VCL: variants seen among roughly 807,000 people sequenced by gnomAD.
VCL encodes vinculin.
In VCL, 47 loss-of-function variants were observed where a neutral mutation model predicts 125.7. That is an observed-to-expected ratio of 0.37 (90% CI 0.30 to 0.48). The LOEUF is 0.48. Among genes scored for constraint, VCL ranks in the 20% least tolerant of loss-of-function variants. VCL has a pLI of 0.99. For synonymous variants in VCL, 458 were observed against 514.6 expected (o/e 0.89, Z 1.49); for missense variants, 1,069 against 1,455.5 (o/e 0.73, Z 4.32).
intron 7 of VCL, 22 bp from the exon 8 acceptor site, chr10:74,083,344 A>G (rs2136280837): frequency 6.2e-7 from 1 of 1,613,262 alleles, no homozygotes; most frequent in African/African-American, 1.3e-5. Context: ...CAATGTAGTT[A>G]TTGAATATCT....
chr10:74,116,618 G>A (rs562463353), intron 21 of VCL, among the ~76,000 whole-genome samples: 4 of 151,450 alleles, frequency 2.6e-5, no homozygotes, highest in African/African-American at 4.8e-5. Context: ...CCTGGGAGGC[G>A]GAAATTGCAG....
chr10:74,009,759 G>A (rs1168155664), intron 1 of VCL, among the ~76,000 whole-genome samples: 9 of 151,508 alleles, frequency 5.9e-5, no homozygotes, highest in African/African-American at 1.7e-4. Context: ...ACAGGCATGC[G>A]TCACCACACC....
intron 1 of VCL, among the ~76,000 whole-genome samples, chr10:74,017,480 T>G (rs1441221105): frequency 2.0e-5 from 3 of 152,274 alleles, no homozygotes; most frequent in African/African-American, 7.2e-5. Context: ...TTTCATCATA[T>G]GTTTAATATC....
rs1192377948 is a variant in VCL at position 74,040,811 on chromosome 10, C to T, written c.169-2272C>T. On this transcript the variant is annotated intron_variant, in intron 1 of 21. Coordinates refer to ENST00000211998, the MANE Select transcript of VCL (RefSeq NM_014000.3). ...TCATAATTTATGCATGACTTATATT[C>T]CCTGAGAATAGTTTATTGTGTTATT... Among the ~76,000 whole-genome samples, 13 of 152,256 alleles carry T rather than the reference C, an allele frequency of 8.5e-5. No homozygotes were observed. In the South Asian group the frequency reaches 1.7e-3, roughly 19 times the overall value.
intron 2 of VCL, among the ~76,000 whole-genome samples, chr10:74,056,392 T>A (rs1841390979): frequency 6.6e-6 from 1 of 152,054 alleles, no homozygotes; most frequent in Non-Finnish European, 1.5e-5. Flanking sequence ...ATCCTTGTGG[T>A]TTTATTTTTA....
intron 1 of VCL, among the ~76,000 whole-genome samples, chr10:74,007,777 T>A (rs1167608435): frequency 1.3e-5 from 2 of 152,156 alleles, no homozygotes; most frequent in Non-Finnish European, 2.9e-5. Context: ...ATTACAGGCA[T>A]GAGCCGCTGC....
At chr10:74,007,220 C>A (rs1840336519) in intron 1 of VCL, among the ~76,000 whole-genome samples, 1 of 152,164 alleles carries the variant, frequency 6.6e-6, no homozygotes, top group Admixed American at 6.6e-5. Context: ...CTCAAGTGAT[C>A]CACCTGCCTT....
Position 74,074,756 on chromosome 10 carries a change from T to C in VCL, c.636T>C (p.Phe212=), listed in dbSNP as rs767648679. 21 of 1,613,132 alleles carry C rather than the reference T, an allele frequency of 1.3e-5. No individual in the cohort carries two copies. Among genetic ancestry groups the C allele is most frequent in the Non-Finnish European group, 1.7e-5 (20 of 1,179,832 alleles). The part of the protein sequence containing the change: ...LPVLISAMKI[F]VTTKNSKNQG... ...TTATTTTTACAGCTATGAAGATTTTTGTAACAACTAAAAACTCAAAAAACC... is the reference window on the plus strand; with the variant it reads ...TTATTTTTACAGCTATGAAGATTTTCGTAACAACTAAAAACTCAAAAAACC... Residue 212 remains phenylalanine (F), a synonymous_variant, in exon 6 of 22, where the codon TTT becomes TTC. Coordinates refer to ENST00000211998, the MANE Select transcript of VCL (RefSeq NM_014000.3).
rs151233801 is a variant in VCL at position 74,038,194 on chromosome 10, G to A, written c.169-4889G>A. Among the ~76,000 whole-genome samples, 191 of 151,926 alleles carry A rather than the reference G, an allele frequency of 1.3e-3. 1 individual carries two copies. In the East Asian group the frequency reaches 0.032, roughly 25 times the overall value. ...GTATTTTTAGTAGAGACGGGGTTTC[G>A]CCATGTTGGCCAGGGTGGTCTCGAA... is the stretch of plus-strand genomic sequence containing the variant. On this transcript the variant is annotated intron_variant, in intron 1 of 21. Transcript: ENST00000211998.
chr10:74,049,448 A>G (rs374738341), intron 2 of VCL, among the ~76,000 whole-genome samples: 6 of 152,342 alleles, frequency 3.9e-5, no homozygotes, highest in Admixed American at 6.5e-5. Context: ...TTAAAGAGCT[A>G]TAATACAGAC....
At chr10:74,027,992 G>C (rs1840806096) in intron 1 of VCL, 1 of 152,200 alleles carries the variant, frequency 6.6e-6, no homozygotes, top group African/African-American at 2.4e-5. Flanking sequence ...AGATCATCCA[G>C]TGATGTTTTC....
intron 10 of VCL, among the ~76,000 whole-genome samples, chr10:74,093,462 G>A (rs1050769157): frequency 1.3e-5 from 2 of 152,152 alleles, no homozygotes; most frequent in Middle Eastern, 3.4e-3. Flanking sequence ...TACATCATAG[G>A]GTTGTTGTAA....
At chr10:74,115,668 T>A (rs1840301236) in intron 21 of VCL, among the ~76,000 whole-genome samples, 1 of 152,208 alleles carries the variant, frequency 6.6e-6, no homozygotes, top group South Asian at 2.1e-4. Context: ...TGTTAGTGCC[T>A]CAGGGAGGAT....
intron 8 of VCL, among the ~76,000 whole-genome samples, chr10:74,086,228 T>A (rs896972836): frequency 6.6e-6 from 1 of 152,210 alleles, no homozygotes; most frequent in African/African-American, 2.4e-5. Flanking sequence ...ACTTCTATCA[T>A]CTGATGAAAA....
chr10:74,074,607 T>A, intron 5 of VCL, 136 bp from the exon 6 acceptor site: 1 of 952,522 alleles, frequency 1.0e-6, no homozygotes, highest in Non-Finnish European at 1.6e-6. Flanking sequence ...ATTGTCAAAC[T>A]TGTAGTGTTT....
chr10:74,010,723 G>A (rs189630729), intron 1 of VCL, among the ~76,000 whole-genome samples: 39 of 152,130 alleles, frequency 2.6e-4, no homozygotes, highest in African/African-American at 8.7e-4. Flanking sequence ...AGCAAGGTGA[G>A]GAAACCCACT....
At chr10:74,044,225 A>G (rs1360573482) in intron 2 of VCL, among the ~76,000 whole-genome samples, 1 of 152,188 alleles carries the variant, frequency 6.6e-6, no homozygotes, top group Non-Finnish European at 1.5e-5. Flanking sequence ...TATTCTGCAT[A>G]AAACAAGCAG....
intron 1 of VCL, among the ~76,000 whole-genome samples, chr10:74,037,278 A>G (rs773344114): frequency 2.0e-4 from 30 of 152,268 alleles, no homozygotes; most frequent in Middle Eastern, 3.4e-3. Context: ...TTCTGTTTTG[A>G]TGGTGACAGG....
chr10:74,039,127 G>C (rs954086505), intron 1 of VCL, among the ~76,000 whole-genome samples: 3 of 152,004 alleles, frequency 2.0e-5, no homozygotes, highest in Non-Finnish European at 4.4e-5. Flanking sequence ...GGCCAGGCTG[G>C]TCGCGAACTC....
Sources: gnomAD v4.1 joint callset for allele counts (sites outside exome capture counted in the v4.1 genomes callset) on GRCh38, gnomAD v4.1.1 for gene constraint, MANE v1.5 for transcripts, NCBI Gene and HGNC (gene_info 2026-07-23, HGNC 2026-07-21) for gene names.